BCKDHB: variants seen among roughly 807,000 people sequenced by gnomAD.
The protein encoded by BCKDHB is branched chain keto acid dehydrogenase E1 subunit beta.
BCKDHB carries 41 observed loss-of-function variants against 48.5 expected under a neutral mutation model. The ratio of observed to expected loss-of-function variants is 0.85; its 90% CI spans 0.66 to 1.10. The LOEUF is 1.10. Among genes scored for constraint, BCKDHB ranks in the 50% least tolerant of loss-of-function variants. The pLI, the probability that BCKDHB is intolerant of heterozygous loss-of-function variation, is 0.00. For synonymous variants in BCKDHB, 201 were observed against 174.8 expected, an observed-to-expected ratio of 1.15 and a Z score of -1.18; for missense variants, 496 against 494.2, an observed-to-expected ratio of 1.00 and a Z score of -0.03.
the BCKDHB span, among the ~76,000 whole-genome samples, chr6:80,394,046 C>G: frequency 2.0e-5 from 3 of 151,980 alleles, no homozygotes; most frequent in Non-Finnish European, 4.4e-5. Flanking sequence ...TTATAGAATC[C>G]AGTGTTATTT....
intron 9 of BCKDHB, among the ~76,000 whole-genome samples, chr6:80,339,559 A>T (rs1769786927): frequency 6.6e-6 from 1 of 152,228 alleles, no homozygotes; most frequent in African/African-American, 2.4e-5. Flanking sequence ...ATAGCAATCC[A>T]GATGGCTAAT....
intron 2 of BCKDHB, 54 bp from the exon 3 acceptor site, chr6:80,129,107 A>G (rs970183109): frequency 1.6e-6 from 2 of 1,216,152 alleles, no homozygotes; most frequent in Non-Finnish European, 2.4e-6. Flanking sequence ...TCTCATTGTT[A>G]GTATTATTTA....
At chr6:80,147,636 C>T (rs1415443120) in intron 3 of BCKDHB, among the ~76,000 whole-genome samples, 1 of 152,032 alleles carries the variant, frequency 6.6e-6, no homozygotes, top group African/African-American at 2.4e-5. Flanking sequence ...TGAGTCCAGG[C>T]GTTGTGACCT....
intron 3 of BCKDHB, among the ~76,000 whole-genome samples, chr6:80,143,609 G>A (rs980122764): frequency 6.6e-6 from 1 of 152,182 alleles, no homozygotes; most frequent in East Asian, 1.9e-4. Flanking sequence ...GATTGGCAGA[G>A]TTGATGAAGG....
rs1369138317 is a variant in BCKDHB at position 80,344,214 on chromosome 6, C to T, written c.*410C>T. ...GAGGTGGGGTGTCACTATGTTGGCT[C>T]AGCTGATTTCAAATTCCTGACCTCA... On this transcript the variant is annotated 3_prime_UTR_variant, in exon 10 of 10. Transcript: ENST00000320393. 4 of 271,804 alleles carry T rather than the reference C, an allele frequency of 1.5e-5. No homozygotes were observed. Among genetic ancestry groups the T allele is most frequent in the African/African-American group, 4.5e-5 (2 of 44,252 alleles). 16.8% of individuals were successfully genotyped at this position (271,804 alleles called of 1,614,324 possible). A position where few individuals can be genotyped will look rare whatever the true frequency, so the allele number is the denominator to read the frequency against.
chr6:80,342,300 A>G (rs1186618391), intron 9 of BCKDHB, among the ~76,000 whole-genome samples: 7 of 152,220 alleles, frequency 4.6e-5, no homozygotes, highest in Non-Finnish European at 7.3e-5. Flanking sequence ...AAGCAAGGCA[A>G]TGTGTAAACA....
intron 8 of BCKDHB, among the ~76,000 whole-genome samples, chr6:80,260,236 T>C (rs1390680569): frequency 6.7e-6 from 1 of 148,272 alleles, no homozygotes; most frequent in Non-Finnish European, 1.5e-5. Flanking sequence ...TGTGGGGTAA[T>C]AAAATACAAT....
At chr6:80,312,725 A>C (rs1185914372) in intron 9 of BCKDHB, among the ~76,000 whole-genome samples, 3 of 152,178 alleles carry the variant, frequency 2.0e-5, no homozygotes. Flanking sequence ...TTTGCCCTGA[A>C]TCACATATAT....
At chr6:80,223,555 T>C (rs1005293272) in intron 8 of BCKDHB, among the ~76,000 whole-genome samples, 2 of 152,232 alleles carry the variant, frequency 1.3e-5, no homozygotes, top group African/African-American at 2.4e-5. Context: ...GAACTACTTA[T>C]GAATTTTTCT....
intron 8 of BCKDHB, among the ~76,000 whole-genome samples, chr6:80,205,270 C>A (rs2127830411): frequency 6.6e-6 from 1 of 151,930 alleles, no homozygotes; most frequent in Non-Finnish European, 1.5e-5. Context: ...TTTAATTCAT[C>A]TTGATGAATT....
the BCKDHB span, among the ~76,000 whole-genome samples, chr6:80,394,868 G>A: frequency 1.1e-4 from 17 of 152,256 alleles, no homozygotes; most frequent in East Asian, 3.9e-4. Context: ...GAATTATGGC[G>A]TTGGTTACCC....
In BCKDHB at chr6:80,343,797, A is replaced by G. The variant is rs150710836; in HGVS notation, c.1172A>G (p.Asn391Ser). 3 of 1,613,936 alleles carry G rather than the reference A, an allele frequency of 1.9e-6. No homozygotes were observed. The highest frequency in any genetic ancestry group is 2.2e-5 in the East Asian group (1 of 44,818). Residue 391 changes from asparagine to serine, a missense_variant, in exon 10 of 10, where the codon AAC becomes AGC. Coordinates refer to ENST00000320393, the MANE Select transcript of BCKDHB (RefSeq NM_183050.4). ...TATGATGCCCTTCGAAAAATGATCAACTATTGACCATATAGGTAGGTATGC... is the reference window on the plus strand; with the variant it reads ...TATGATGCCCTTCGAAAAATGATCAGCTATTGACCATATAGGTAGGTATGC... Reference protein sequence around the residue: ...KCYDALRKMINY With the variant: ...KCYDALRKMISY
chr6:80,191,204 C>CA (rs1414655005), intron 6 of BCKDHB, among the ~76,000 whole-genome samples: 1 of 152,164 alleles, frequency 6.6e-6, no homozygotes, highest in Non-Finnish European at 1.5e-5. Context: ...ATAAAATCAA[C>CA]AGTTGTCATT....
At chr6:80,430,952 T>C in the BCKDHB span, among the ~76,000 whole-genome samples, 7,683 of 152,118 alleles carry the variant, frequency 0.051, 590 homozygotes, top group African/African-American at 0.16. Flanking sequence ...CTCTTGTGGG[T>C]TTCTAGTGCT....
chr6:80,375,428 T>G, the BCKDHB span, among the ~76,000 whole-genome samples: 22 of 152,232 alleles, frequency 1.4e-4, no homozygotes, highest in Non-Finnish European at 3.1e-4. Context: ...TTCTTCTACT[T>G]GTTCGATGCT....
At chr6:80,134,346 T>C (rs1407143009) in intron 3 of BCKDHB, among the ~76,000 whole-genome samples, 2 of 152,200 alleles carry the variant, frequency 1.3e-5, no homozygotes, top group Non-Finnish European at 2.9e-5. Context: ...AACCACTTAC[T>C]TGTTTTCTTA....
chr6:80,219,487 A>G (rs1582382553), intron 8 of BCKDHB, among the ~76,000 whole-genome samples: 2 of 152,172 alleles, frequency 1.3e-5, no homozygotes, highest in Admixed American at 6.5e-5. Flanking sequence ...AATTACAGGC[A>G]TAAGCCACCG....
intron 9 of BCKDHB, among the ~76,000 whole-genome samples, chr6:80,302,093 A>G (rs1767613086): frequency 6.6e-6 from 1 of 152,194 alleles, no homozygotes; most frequent in Admixed American, 6.5e-5. Flanking sequence ...CCGGAACAAG[A>G]CAAGGATACC....
intron 8 of BCKDHB, among the ~76,000 whole-genome samples, chr6:80,223,992 A>T (rs1198040966): frequency 6.6e-6 from 1 of 152,150 alleles, no homozygotes; most frequent in Non-Finnish European, 1.5e-5. Flanking sequence ...CCCTCTAGGG[A>T]TGAGAGGCTT....
Sources: allele counts gnomAD v4.1 joint callset (sites outside exome capture counted in the v4.1 genomes callset), GRCh38; gene constraint gnomAD v4.1.1; transcripts MANE v1.5; gene names NCBI Gene and HGNC (gene_info 2026-07-23, HGNC 2026-07-21).